The following EXOC6B variants were observed in gnomAD, a reference collection of about 807,000 sequenced individuals.
The protein encoded by EXOC6B is SEC15 homolog B.
Under a neutral mutation model 113.5 loss-of-function variants are expected in EXOC6B, and 54 were observed. The observed-to-expected ratio is 0.48, with a 90% CI of 0.38 to 0.60. The LOEUF (loss-of-function observed/expected upper bound fraction) is 0.60, where lower values mean the gene tolerates loss of function less well. EXOC6B is among the 20% of genes least tolerant of loss of function. The pLI is 0.00. For missense variants in EXOC6B, 797 were observed against 977.5 expected, an observed-to-expected ratio of 0.82 and a Z score of 2.46; for synonymous variants, 357 against 339.0, an observed-to-expected ratio of 1.05 and a Z score of -0.58.
intron 20 of EXOC6B, among the ~76,000 whole-genome samples, chr2:72,309,868 A>T (rs1439657552): frequency 6.6e-6 from 1 of 152,150 alleles, no homozygotes; most frequent in African/African-American, 2.4e-5. Flanking sequence ...GGATTTGCCT[A>T]TTCTGAATAT....
intron 1 of EXOC6B, among the ~76,000 whole-genome samples, chr2:72,795,748 G>A (rs1334852875): frequency 1.3e-5 from 2 of 152,174 alleles, no homozygotes; most frequent in Admixed American, 1.3e-4. Context: ...TAAAATTAAA[G>A]TGCTTATCAG....
intron 20 of EXOC6B, among the ~76,000 whole-genome samples, chr2:72,299,929 T>TA (rs1382726776): frequency 6.6e-6 from 1 of 151,980 alleles, no homozygotes; most frequent in Non-Finnish European, 1.5e-5. Flanking sequence ...CCCAGAGCTC[T>TA]AGAGCGCTCC....
chr2:72,220,088 G>C (rs1035690308), intron 20 of EXOC6B, among the ~76,000 whole-genome samples: 4 of 152,158 alleles, frequency 2.6e-5, no homozygotes, highest in Non-Finnish European at 5.9e-5. Context: ...ATTGTAAAGG[G>C]ATTTGGAAAT....
chr2:72,577,284 A>C (rs1161481938), intron 6 of EXOC6B, among the ~76,000 whole-genome samples: 3 of 152,090 alleles, frequency 2.0e-5, no homozygotes, highest in African/African-American at 7.2e-5. Context: ...AAACCAAGTT[A>C]AATAGAATAT....
At chr2:72,424,766 T>A (rs1484558024) in intron 18 of EXOC6B, among the ~76,000 whole-genome samples, 1 of 152,232 alleles carries the variant, frequency 6.6e-6, no homozygotes, top group East Asian at 1.9e-4. Flanking sequence ...GAAACATATC[T>A]AATTATCAGG....
chr2:72,605,899 A>C, intron 6 of EXOC6B, among the ~76,000 whole-genome samples: 1 of 152,180 alleles, frequency 6.6e-6, no homozygotes, highest in East Asian at 1.9e-4. Flanking sequence ...CATAAAGATA[A>C]CACTCTCGAT....
At position 72,508,184 on chromosome 2, in the gene EXOC6B, A is replaced by AAAAAAAAAAAAAAAAC. The variant is rs923877882; in HGVS notation, c.1167+4947_1167+4948insGTTTTTTTTTTTTTTT. The stretch of plus-strand genomic sequence containing the variant: ...CCCGCAAAAAAAAAAAAAAAAAAAA[A>AAAAAAAAAAAAAAAAC]ACACCTAAAAACAGTACTTTGATGG... On this transcript the variant is annotated intron_variant, in intron 11 of 21. Transcript: ENST00000272427. 1.7e-4 allele frequency among the ~76,000 whole-genome samples: 15 copies of AAAAAAAAAAAAAAAAC among 89,098 alleles called. 2 individuals are homozygous for AAAAAAAAAAAAAAAAC. Among genetic ancestry groups the AAAAAAAAAAAAAAAAC allele is most frequent in the African/African-American group, 8.7e-4 (13 of 15,012 alleles). The allele number at this position is 89,098 out of a possible 152,430, so 58.5% of individuals were successfully genotyped here.
chr2:72,542,000 A>G (rs1224266613), intron 8 of EXOC6B, among the ~76,000 whole-genome samples: 2 of 152,202 alleles, frequency 1.3e-5, no homozygotes, highest in Non-Finnish European at 1.5e-5. Flanking sequence ...TGTAAAAAGT[A>G]TATCAACATT....
chr2:72,622,366 A>G (rs926690445), intron 6 of EXOC6B, among the ~76,000 whole-genome samples: 2 of 151,790 alleles, frequency 1.3e-5, no homozygotes, highest in African/African-American at 2.4e-5. Context: ...TAAGAAAAAG[A>G]CAAACAACCA....
intron 20 of EXOC6B, among the ~76,000 whole-genome samples, chr2:72,329,989 G>A (rs928352556): frequency 2.6e-5 from 4 of 152,034 alleles, no homozygotes; most frequent in Admixed American, 2.0e-4. Flanking sequence ...CTAAAAAAAA[G>A]CCCTAGATAT....
At chr2:72,545,865 T>C (rs1254097236) in intron 8 of EXOC6B, among the ~76,000 whole-genome samples, 1 of 152,226 alleles carries the variant, frequency 6.6e-6, no homozygotes, top group East Asian at 1.9e-4. Context: ...TAATGTTCAA[T>C]AGCAACTAAA....
At chr2:72,678,331 A>C (rs1486477903) in intron 6 of EXOC6B, among the ~76,000 whole-genome samples, 1 of 152,178 alleles carries the variant, frequency 6.6e-6, no homozygotes, top group Non-Finnish European at 1.5e-5. Context: ...TGCTGCCACT[A>C]GTGTACAATC....
intron 1 of EXOC6B, among the ~76,000 whole-genome samples, chr2:72,780,946 G>A (rs1683999906): frequency 6.6e-6 from 1 of 151,976 alleles, no homozygotes; most frequent in Non-Finnish European, 1.5e-5. Flanking sequence ...CTTTTAAATT[G>A]GGTTTTCAGG....
chr2:72,520,663 G>T (rs1306007124), intron 8 of EXOC6B, among the ~76,000 whole-genome samples: 1 of 152,150 alleles, frequency 6.6e-6, no homozygotes, highest in African/African-American at 2.4e-5. Flanking sequence ...CAACTCATAG[G>T]TTGATGTGCC....
intron 20 of EXOC6B, among the ~76,000 whole-genome samples, chr2:72,327,931 A>G (rs1572919295): frequency 1.3e-5 from 2 of 152,266 alleles, no homozygotes; most frequent in Middle Eastern, 3.4e-3. Flanking sequence ...CTACTAAAGC[A>G]TTCCAGAAGC....
At chr2:72,417,232 C>T (rs190784088) in intron 18 of EXOC6B, among the ~76,000 whole-genome samples, 2 of 152,262 alleles carry the variant, frequency 1.3e-5, no homozygotes, top group African/African-American at 4.8e-5. Flanking sequence ...TCACTCTGGT[C>T]GACCAGGCTG....
chr2:72,583,575 C>T (rs973641960), intron 6 of EXOC6B, among the ~76,000 whole-genome samples: 1 of 152,154 alleles, frequency 6.6e-6, no homozygotes, highest in Non-Finnish European at 1.5e-5. Context: ...AGAAGAGAAA[C>T]TCGAACCAAG....
chr2:72,764,553 G>C (rs1202448684), intron 1 of EXOC6B, among the ~76,000 whole-genome samples: 2 of 151,486 alleles, frequency 1.3e-5, no homozygotes, highest in Admixed American at 1.3e-4. Flanking sequence ...ATTTTTTGTA[G>C]AGATGGGGTC....
chr2:72,404,644 G>A (rs1693596872), intron 18 of EXOC6B, among the ~76,000 whole-genome samples: 1 of 152,136 alleles, frequency 6.6e-6, no homozygotes, highest in Non-Finnish European at 1.5e-5. Context: ...TGCAGCTGAG[G>A]GTCCCGACTG....
Sources: gnomAD v4.1 joint callset for allele counts (sites outside exome capture counted in the v4.1 genomes callset) on GRCh38, gnomAD v4.1.1 for gene constraint, MANE v1.5 for transcripts, NCBI Gene and HGNC (gene_info 2026-07-23, HGNC 2026-07-21) for gene names.